Variants in RARB observed in about 807,000 individuals in gnomAD.
RARB encodes retinoic acid receptor beta.
Under a neutral mutation model 51.9 loss-of-function variants are expected in RARB, and 17 were observed. That is an observed-to-expected ratio of 0.33 (90% CI 0.22 to 0.49). RARB has a LOEUF of 0.49. RARB is among the 20% of genes least tolerant of loss of function. RARB has a pLI of 0.99. For missense variants in RARB, 369 were observed against 550.8 expected (o/e 0.67, Z 3.30); for synonymous variants, 215 against 195.4 (o/e 1.10, Z -0.84).
At chr3:25,302,372 C>T (rs1272025522) in intron 5 of RARB, among the ~76,000 whole-genome samples, 1 of 152,150 alleles carries the variant, frequency 6.6e-6, no homozygotes, top group Non-Finnish European at 1.5e-5. Flanking sequence ...AAATATTCAA[C>T]TGATGAATGG....
chr3:24,958,254 G>GGTTTTGTTTTTTTTTTTTTTTT (rs1321125356), intron 2 of RARB, among the ~76,000 whole-genome samples: 1 of 67,408 alleles, frequency 1.5e-5, no homozygotes, highest in Non-Finnish European at 2.6e-5. Flanking sequence ...GAGCTGCTCA[G>GGTTTTGTTTTTTTTTTTTTTTT]GTTTTTTTTT....
intron 3 of RARB, among the ~76,000 whole-genome samples, chr3:25,549,513 C>G (rs1463127960): frequency 6.6e-6 from 1 of 152,072 alleles, no homozygotes; most frequent in Non-Finnish European, 1.5e-5. Flanking sequence ...TGAACCAACT[C>G]GGGGTAGTCA....
chr3:25,179,670 T>C (rs1385646990), intron 5 of RARB, among the ~76,000 whole-genome samples: 1 of 152,146 alleles, frequency 6.6e-6, no homozygotes, highest in African/African-American at 2.4e-5. Flanking sequence ...GTTTGAGAAA[T>C]AGAGTTTATA....
intron 5 of RARB, among the ~76,000 whole-genome samples, chr3:25,203,415 C>A (rs549394552): frequency 6.6e-6 from 1 of 152,160 alleles, no homozygotes; most frequent in Non-Finnish European, 1.5e-5. Flanking sequence ...TTAATTGGAG[C>A]ATTTAGCCCA....
intron 5 of RARB, among the ~76,000 whole-genome samples, chr3:25,280,023 C>A (rs931171547): frequency 6.6e-6 from 1 of 151,988 alleles, no homozygotes; most frequent in Non-Finnish European, 1.5e-5. Flanking sequence ...TAACAAAAGG[C>A]AGATTAACTA....
intron 3 of RARB, among the ~76,000 whole-genome samples, chr3:25,547,794 G>A (rs927588243): frequency 3.3e-5 from 5 of 152,152 alleles, no homozygotes; most frequent in East Asian, 3.9e-4. Flanking sequence ...GAGGATAGAC[G>A]GTGGGTGGAT....
At chr3:25,121,749 TTA>T (rs142937305) in intron 3 of RARB, among the ~76,000 whole-genome samples, 2,367 of 152,222 alleles carry the variant, frequency 0.016, 52 homozygotes, top group African/African-American at 0.046. Flanking sequence ...TCAAAATAAT[TTA>T]TGTTTTTTAA....
At chr3:25,086,262 C>T (rs1181551396) in intron 3 of RARB, among the ~76,000 whole-genome samples, 1 of 152,134 alleles carries the variant, frequency 6.6e-6, no homozygotes, top group Non-Finnish European at 1.5e-5. Context: ...AATGGGCCAT[C>T]CATAGGAAAG....
At chr3:25,482,160 G>A (rs768110265) in intron 2 of RARB, among the ~76,000 whole-genome samples, 10 of 152,152 alleles carry the variant, frequency 6.6e-5, no homozygotes, top group Non-Finnish European at 1.2e-4. Flanking sequence ...TTAGCACATA[G>A]CAGCACATAA....
chr3:24,849,044 G>C (rs1193816456), intron 1 of RARB, among the ~76,000 whole-genome samples: 1 of 151,986 alleles, frequency 6.6e-6, no homozygotes, highest in Non-Finnish European at 1.5e-5. Context: ...TATCTGCAGG[G>C]GATACTTTCC....
chr3:24,973,927 T>C (rs866442486), intron 2 of RARB, among the ~76,000 whole-genome samples: 1 of 152,098 alleles, frequency 6.6e-6, no homozygotes, highest in Admixed American at 6.6e-5. Context: ...CCTTTCCAAT[T>C]TGGGTGCCCT....
chr3:25,161,973 G>A (rs962797179), intron 4 of RARB, among the ~76,000 whole-genome samples: 4 of 152,166 alleles, frequency 2.6e-5, no homozygotes, highest in Non-Finnish European at 4.4e-5. Context: ...AAGACAGACA[G>A]ACACACAAGA....
At chr3:25,324,064 A>G (rs1432225981) in intron 5 of RARB, 1 of 152,208 alleles carries the variant, frequency 6.6e-6, no homozygotes, top group Non-Finnish European at 1.5e-5. Context: ...ATTGATTTCT[A>G]GTCTCGGATG....
intron 4 of RARB, among the ~76,000 whole-genome samples, chr3:25,134,889 A>G (rs1700009106): frequency 1.3e-5 from 2 of 152,046 alleles, no homozygotes; most frequent in South Asian, 2.1e-4. Flanking sequence ...TTGCTGCTGC[A>G]CAGACTTTTT....
chr3:25,150,791 GC>G (rs1700274548), intron 4 of RARB, among the ~76,000 whole-genome samples: 1 of 152,186 alleles, frequency 6.6e-6, no homozygotes, highest in African/African-American at 2.4e-5. Context: ...AAAGAATCCA[GC>G]CTTCTAGTAG....
chr3:25,530,068 G>A (rs549118327), intron 3 of RARB, among the ~76,000 whole-genome samples: 9 of 152,168 alleles, frequency 5.9e-5, no homozygotes, highest in Admixed American at 2.0e-4. Context: ...CTGTCTCAGC[G>A]CTGACCTTGC....
chr3:25,254,658 T>A (rs1702816661), intron 5 of RARB, among the ~76,000 whole-genome samples: 1 of 151,886 alleles, frequency 6.6e-6, no homozygotes, highest in Non-Finnish European at 1.5e-5. Context: ...CAAGGCCTTG[T>A]GGGTGTTGCA....
intron 3 of RARB, among the ~76,000 whole-genome samples, chr3:25,072,222 A>G (rs912057705): frequency 2.0e-5 from 3 of 152,246 alleles, no homozygotes; most frequent in African/African-American, 7.2e-5. Context: ...AATAAGTTTA[A>G]TAACAATTTG....
chr3:25,294,310 AC>A (rs1703863807), intron 5 of RARB, among the ~76,000 whole-genome samples: 1 of 152,198 alleles, frequency 6.6e-6, no homozygotes, highest in Non-Finnish European at 1.5e-5. Context: ...AGACATTTGA[AC>A]CACAGGAACT....
Sources: gnomAD v4.1 joint callset for allele counts (sites outside exome capture counted in the v4.1 genomes callset) on GRCh38, gnomAD v4.1.1 for gene constraint, MANE v1.5 for transcripts, NCBI Gene and HGNC (gene_info 2026-07-23, HGNC 2026-07-21) for gene names.